The following MINDY3 variants were observed in gnomAD, a reference collection of about 807,000 sequenced individuals.
MINDY3 encodes the protein MINDY lysine 48 deubiquitinase 3, also known as ubiquitin carboxyl-terminal hydrolase MINDY-3.
MINDY3 carries 38 observed loss-of-function variants against 69.2 expected under a neutral mutation model. That is an observed-to-expected ratio of 0.55 (90% confidence interval 0.42 to 0.72). The LOEUF (loss-of-function observed/expected upper bound fraction) is 0.72. Ranked by LOEUF, MINDY3 falls within the 30% of genes least tolerant of loss-of-function variation. The pLI is 0.00. For synonymous variants in MINDY3, 192 were observed against 180.1 expected (o/e 1.07, Z -0.53); for missense variants, 522 against 519.0 (o/e 1.01, Z -0.06).
At chr10:15,825,313 C>T (rs558395343) in intron 8 of MINDY3, among the ~76,000 whole-genome samples, 3 of 152,314 alleles carry the variant, frequency 2.0e-5, no homozygotes, top group Non-Finnish European at 2.9e-5. Flanking sequence ...ATGTACTCTA[C>T]ATTTGCAAAA....
chr10:15,808,367 T>C (rs1011685925), intron 10 of MINDY3, among the ~76,000 whole-genome samples: 3 of 152,194 alleles, frequency 2.0e-5, no homozygotes, highest in Non-Finnish European at 4.4e-5. Flanking sequence ...GTGAATTTTC[T>C]TGGAAGAGTA....
intron 13 of MINDY3, 33 bp from the exon 14 acceptor site, chr10:15,782,259 A>G: frequency 7.2e-7 from 1 of 1,393,994 alleles, no homozygotes; most frequent in East Asian, 2.3e-5. Flanking sequence ...AACACTTTAA[A>G]TTATATTTAT....
At position 15,860,305 on chromosome 10, in the gene MINDY3, G is replaced by C; in HGVS notation, c.-6C>G. 6.3e-7 allele frequency: 1 copy of C among 1,585,922 alleles called. No homozygotes were observed. The highest frequency in any genetic ancestry group is 8.6e-7 in the Non-Finnish European group (1 of 1,164,404). ...TCTTTAGTCAGTTCGGACATGATGA[G>C]GAACCGGCGGGCGGATCTTCGCTTT... is the stretch of plus-strand genomic sequence containing the variant. On this transcript the variant is annotated 5_prime_UTR_variant, in exon 1 of 15. Transcript: ENST00000277632.
chr10:15,856,543 A>G (rs943759052), intron 1 of MINDY3, among the ~76,000 whole-genome samples: 6 of 152,144 alleles, frequency 3.9e-5, no homozygotes, highest in East Asian at 1.9e-4. Flanking sequence ...AAAAATGGCT[A>G]TAAGAGTTTA....
Position 15,789,325 on chromosome 10 carries a change from G to A in MINDY3, c.956-6C>T. On this transcript the variant is annotated splice_region_variant and splice_polypyrimidine_tract_variant and intron_variant, in intron 11 of 14. Coordinates refer to ENST00000277632, the MANE Select transcript of MINDY3 (RefSeq NM_024948.4). ...ATCGGGTATGAATCCATTATCTAGG[G>A]GGGAAAAAATCAGAAACAACTTGAA... 1 of 1,606,464 alleles carries A rather than the reference G, an allele frequency of 6.2e-7. No homozygotes were observed. The highest frequency in any genetic ancestry group is 8.5e-7 in the Non-Finnish European group (1 of 1,174,652).
chr10:15,795,460 T>C (rs965706553), intron 11 of MINDY3, among the ~76,000 whole-genome samples: 8 of 152,062 alleles, frequency 5.3e-5, no homozygotes, highest in African/African-American at 1.9e-4. Context: ...TTCTACACGG[T>C]ACTTCGTAAG....
At chr10:15,860,179 G>T (rs1362787671) in intron 1 of MINDY3, 27 bp downstream of exon 1, 2 of 1,546,868 alleles carry the variant, frequency 1.3e-6, no homozygotes, top group African/African-American at 1.4e-5. Flanking sequence ...AGCAGCGGCT[G>T]CAAGTGTGAG....
At chr10:15,836,308 T>C (rs901652526) in intron 6 of MINDY3, among the ~76,000 whole-genome samples, 9 of 152,052 alleles carry the variant, frequency 5.9e-5, no homozygotes, top group Non-Finnish European at 8.8e-5. Flanking sequence ...CTCTGTCAGA[T>C]GGTCCCTACT....
intron 9 of MINDY3, among the ~76,000 whole-genome samples, chr10:15,820,433 C>A (rs529252474): frequency 1.3e-5 from 2 of 152,282 alleles, no homozygotes; most frequent in South Asian, 4.1e-4. Context: ...CGCAGGCATG[C>A]GTGCACATCC....
At chr10:15,786,841 G>A (rs933498203) in intron 12 of MINDY3, among the ~76,000 whole-genome samples, 193 bp from the exon 13 acceptor site, 2 of 152,064 alleles carry the variant, frequency 1.3e-5, no homozygotes, top group Non-Finnish European at 2.9e-5. Flanking sequence ...TTAAACTAGA[G>A]TAATCTGTTA....
chr10:15,783,988 A>G lies in MINDY3; in HGVS notation c.1117-1762T>C, dbSNP rs1326444717. ...TCTGTGGTTAGACAGACTATATTGG[A>G]TTTCTGAATCAGCTACTAAAATACC... On this transcript the variant is annotated intron_variant, in intron 13 of 14. Transcript: ENST00000277632. Among the ~76,000 whole-genome samples, 6 of 152,224 alleles carry G rather than the reference A, an allele frequency of 3.9e-5. No individual in the cohort carries two copies. In the East Asian group the frequency reaches 1.2e-3, roughly 29 times the overall value.
intron 1 of MINDY3, among the ~76,000 whole-genome samples, chr10:15,848,580 G>C (rs1588649664): frequency 7.9e-6 from 1 of 126,812 alleles, no homozygotes; most frequent in African/African-American, 3.0e-5. Flanking sequence ...CTTGCACTGA[G>C]CTGAGATTGT....
intron 1 of MINDY3, among the ~76,000 whole-genome samples, chr10:15,853,735 CT>C (rs367679592): frequency 0.22 from 32,114 of 146,328 alleles, 3,376 homozygotes; most frequent in South Asian, 0.25. Flanking sequence ...GAACCAGCTA[CT>C]TTTTTTTTTT....
intron 8 of MINDY3, among the ~76,000 whole-genome samples, chr10:15,829,809 C>A (rs867034432): frequency 6.6e-6 from 1 of 152,280 alleles, no homozygotes; most frequent in Middle Eastern, 3.4e-3. Context: ...TCTGTGCTTG[C>A]GCTAGGCAGC....
At position 15,821,857 on chromosome 10, in the gene MINDY3, C is replaced by T. The variant is rs1839791681; in HGVS notation, c.731-131G>A. 5 of 625,432 alleles carry T rather than the reference C, an allele frequency of 8.0e-6. No homozygotes were observed. In the South Asian group the frequency reaches 1.1e-4, roughly 14 times the overall value. The allele number at this position is 625,432 out of a possible 1,614,324, so 38.7% of individuals were successfully genotyped here. The stretch of plus-strand genomic sequence containing the variant: ...CTTTTAACTTTTACCCAAAACTATA[C>T]TTTAAAACTTAGCATGTAATCATTA... On this transcript the variant is annotated intron_variant, in intron 8 of 14. Transcript: ENST00000277632.
intron 4 of MINDY3, among the ~76,000 whole-genome samples, chr10:15,838,689 CTTAA>C (rs942909323): frequency 1.7e-4 from 26 of 151,766 alleles, no homozygotes; most frequent in African/African-American, 5.5e-4. Context: ...AGGTTTAAGG[CTTAA>C]TTATTAAACA....
intron 10 of MINDY3, among the ~76,000 whole-genome samples, chr10:15,812,776 C>T (rs572321355): frequency 1.3e-5 from 2 of 152,296 alleles, no homozygotes; most frequent in East Asian, 3.9e-4. Flanking sequence ...GCTTTAATAA[C>T]AAGCAGTTAC....
chr10:15,812,648 T>A (rs1162144757), intron 10 of MINDY3, among the ~76,000 whole-genome samples: 1 of 152,112 alleles, frequency 6.6e-6, no homozygotes, highest in Non-Finnish European at 1.5e-5. Context: ...TGGAGGGAAA[T>A]ACAAGAAGAA....
intron 8 of MINDY3, among the ~76,000 whole-genome samples, chr10:15,825,679 T>C (rs1405402184): frequency 6.6e-6 from 1 of 152,248 alleles, no homozygotes. Flanking sequence ...GTTTATTTTA[T>C]AATTGACAAA....
Sources: gnomAD v4.1 joint callset for allele counts (sites outside exome capture counted in the v4.1 genomes callset) on GRCh38, gnomAD v4.1.1 for gene constraint, MANE v1.5 for transcripts, NCBI Gene and HGNC (gene_info 2026-07-23, HGNC 2026-07-21) for gene names.